TMEM165: variants seen among roughly 807,000 people sequenced by gnomAD.
The protein encoded by TMEM165 is transmembrane protein 165, also known as putative divalent cation/proton antiporter TMEM165.
In TMEM165, 19 loss-of-function variants were observed where a neutral mutation model predicts 30.0. The ratio of observed to expected loss-of-function variants is 0.63; its 90% CI spans 0.44 to 0.93. The LOEUF (loss-of-function observed/expected upper bound fraction) is 0.93. TMEM165 is among the 40% of genes least tolerant of loss of function. The probability of loss-of-function intolerance (pLI) is 0.00; values close to 1 mark genes in which losing one functional copy is unlikely to be tolerated. For synonymous variants in TMEM165, 168 were observed against 162.9 expected, an observed-to-expected ratio of 1.03 and a Z score of -0.24; for missense variants, 340 against 417.0, an observed-to-expected ratio of 0.82 and a Z score of 1.61.
intron 3 of TMEM165, among the ~76,000 whole-genome samples, chr4:55,440,719 G>A (rs1723300490): frequency 6.6e-6 from 1 of 152,122 alleles, no homozygotes; most frequent in African/African-American, 2.4e-5. Flanking sequence ...ACCTGAATTA[G>A]CCCATGGCTC....
At chr4:55,440,121 C>T (rs1051676254) in intron 3 of TMEM165, among the ~76,000 whole-genome samples, 2 of 151,980 alleles carry the variant, frequency 1.3e-5, no homozygotes, top group Non-Finnish European at 2.9e-5. Flanking sequence ...TACACTGGCA[C>T]ACAGTTCATG....
chr4:55,418,180 C>T (rs568509071), intron 4 of TMEM165, 195 bp downstream of exon 4: 35 of 489,124 alleles, frequency 7.2e-5, no homozygotes, highest in Non-Finnish European at 1.2e-4. Flanking sequence ...ATTCTTGTAA[C>T]CAAGCTCAGT....
chr4:55,419,737 A>G (rs189999163), intron 4 of TMEM165, among the ~76,000 whole-genome samples: 1 of 152,022 alleles, frequency 6.6e-6, no homozygotes, highest in Non-Finnish European at 1.5e-5. Flanking sequence ...AATTGTTTCT[A>G]ATTCCTTGGA....
chr4:55,397,198 G>A (rs1365724612), intron 1 of TMEM165: 2 of 152,076 alleles, frequency 1.3e-5, no homozygotes, highest in African/African-American at 4.8e-5. Context: ...CTCCCACCCA[G>A]GCCACATCCA....
chr4:55,420,558 C>T (rs557145688), intron 4 of TMEM165, among the ~76,000 whole-genome samples: 1 of 152,064 alleles, frequency 6.6e-6, no homozygotes, highest in Admixed American at 6.6e-5. Context: ...CATGGTCCCC[C>T]ACATGGCACA....
intron 1 of TMEM165, among the ~76,000 whole-genome samples, chr4:55,399,867 T>C (rs1045639391): frequency 6.6e-6 from 1 of 151,950 alleles, no homozygotes. Flanking sequence ...ACTAGGGGTA[T>C]GGAGGGAAGG....
At chr4:55,428,966 GAC>G (rs1462822848), downstream of TMEM165, 36 of 139,714 alleles carry the variant, frequency 2.6e-4, no homozygotes, top group African/African-American at 8.2e-4. Context: ...TGTTCTGGCT[GAC>G]ACATCTTTTT....
chr4:55,402,809 T>TTTTTTTTTTTTTTTTA (rs1560387581), intron 1 of TMEM165, among the ~76,000 whole-genome samples: 2 of 131,922 alleles, frequency 1.5e-5, no homozygotes, highest in Non-Finnish European at 1.6e-5. Context: ...TTTTTTTTTT[T>TTTTTTTTTTTTTTTTA]GAGACGGAGT....
chr4:55,437,917 C>T (rs1383117772), intron 3 of TMEM165, among the ~76,000 whole-genome samples: 1 of 152,046 alleles, frequency 6.6e-6, no homozygotes, highest in Non-Finnish European at 1.5e-5. Flanking sequence ...AAAAAGAAAT[C>T]CCTGCTCTGT....
chr4:55,401,760 G>T (rs542645212), intron 1 of TMEM165, among the ~76,000 whole-genome samples: 1 of 150,218 alleles, frequency 6.7e-6, no homozygotes, highest in South Asian at 2.1e-4. Flanking sequence ...TTCTCAGAAG[G>T]TAATTATATT....
At chr4:55,411,982 A>G in intron 2 of TMEM165, 143 bp downstream of exon 2, 2 of 687,730 alleles carry the variant, frequency 2.9e-6, no homozygotes, top group Non-Finnish European at 5.1e-6. Context: ...TTCCTTGTGT[A>G]TCCTTTCCTT....
intron 3 of TMEM165, 57 bp downstream of exon 3, chr4:55,417,304 T>C (rs1721775259): frequency 6.6e-7 from 1 of 1,520,434 alleles, no homozygotes; most frequent in Non-Finnish European, 8.9e-7. Flanking sequence ...GAATAAACAC[T>C]CTACAGAGGT....
chr4:55,422,859 G>T (rs1446184939), intron 4 of TMEM165, among the ~76,000 whole-genome samples: 1 of 151,696 alleles, frequency 6.6e-6, no homozygotes, highest in East Asian at 1.9e-4. Context: ...CCATGTTTCA[G>T]TCTCCTGACC....
Position 55,425,477 on chromosome 4 carries a change from A to G in TMEM165, c.*25A>G, listed in dbSNP as rs1417773740. On this transcript the variant is annotated 3_prime_UTR_variant, in exon 6 of 6. Transcript: ENST00000381334. ...ACAAGCTGTTTGTTCATCTATATTT[A>G]GTTTAAAATAGGTAGTATTATCTTT... is the stretch of plus-strand genomic sequence containing the variant. 2 of 1,529,202 alleles carry G rather than the reference A, an allele frequency of 1.3e-6. No individual in the cohort carries two copies. The highest frequency in any genetic ancestry group is 1.8e-6 in the Non-Finnish European group (2 of 1,104,790). 94.7% of individuals were successfully genotyped at this position (1,529,202 alleles called of 1,614,324 possible).
Position 55,395,999 on chromosome 4 carries a change from G to T in TMEM165, c.-191G>T, listed in dbSNP as rs935818372. On this transcript the variant is annotated 5_prime_UTR_variant, in exon 1 of 6. Coordinates refer to ENST00000381334, the MANE Select transcript of TMEM165 (RefSeq NM_018475.5). ...CGCCGGAGAGGACGGGCGCCGAGCC[G>T]GGGCTGCGGACTTCGGCCTGCCCCT... 1 of 405,530 alleles carries T rather than the reference G, an allele frequency of 2.5e-6. No individual in the cohort carries two copies. Among genetic ancestry groups the T allele is most frequent in the African/African-American group, 2.1e-5 (1 of 47,492 alleles). The allele number at this position is 405,530 out of a possible 1,614,324, so 25.1% of individuals were successfully genotyped here.
intron 1 of TMEM165, among the ~76,000 whole-genome samples, chr4:55,410,525 C>T (rs1489151332): frequency 6.6e-6 from 1 of 152,188 alleles, no homozygotes; most frequent in Non-Finnish European, 1.5e-5. Context: ...TCTCCCGTCT[C>T]AGCCTCCCAA....
rs774040448 is a variant in TMEM165, at chr4:55,406,252, ATGT to A, written c.208-5359_208-5357del. ...ATTGATCCTCCATAGCTGGCATAAG[ATGT>A]TGGGTCAGGAAGTTTTTGAAATGGT... On this transcript the variant is annotated intron_variant, in intron 1 of 5. Transcript: ENST00000381334. Among the ~76,000 whole-genome samples the A allele has an allele frequency of 5.8e-4, 89 of 152,354 alleles. No homozygotes were observed. The Middle Eastern group carries it at 0.01, about 17-fold the overall frequency.
At chr4:55,396,841 C>CT (rs1376387394) in intron 1 of TMEM165, among the ~76,000 whole-genome samples, 24 of 152,178 alleles carry the variant, frequency 1.6e-4, no homozygotes, top group Non-Finnish European at 2.6e-4. Context: ...TTGGCACTGC[C>CT]TGTGCTTTTT....
intron 3 of TMEM165, chr4:55,434,986 C>T: frequency 4.2e-6 from 1 of 238,004 alleles, no homozygotes; most frequent in Non-Finnish European, 8.5e-6. Flanking sequence ...ACTGGACTGT[C>T]TTCATGGCAT....
Sources: allele counts gnomAD v4.1 joint callset (sites outside exome capture counted in the v4.1 genomes callset), GRCh38; gene constraint gnomAD v4.1.1; transcripts MANE v1.5; gene names NCBI Gene and HGNC (gene_info 2026-07-23, HGNC 2026-07-21).